The following DEPDC1 variants were observed in gnomAD, a reference collection of about 807,000 sequenced individuals.
The protein encoded by DEPDC1 is DEP domain-containing protein 1A.
In DEPDC1, 66 loss-of-function variants were observed where a neutral mutation model predicts 86.8. That is an observed-to-expected ratio of 0.76 (90% CI 0.62 to 0.93). The LOEUF (loss-of-function observed/expected upper bound fraction) is 0.93. Among genes scored for constraint, DEPDC1 ranks in the 40% least tolerant of loss-of-function variants. The probability of loss-of-function intolerance (pLI) is 0.00; values close to 1 mark genes in which losing one functional copy is unlikely to be tolerated. For missense variants in DEPDC1, 792 were observed against 935.7 expected (o/e 0.85, Z 2.00); for synonymous variants, 255 against 314.9 (o/e 0.81, Z 2.02).
At chr1:68,486,885 C>G (rs1646196097) in intron 6 of DEPDC1, 52 bp downstream of exon 6, 1 of 334,088 alleles carries the variant, frequency 3.0e-6, no homozygotes, top group Non-Finnish European at 4.4e-6. Flanking sequence ...CAATATAACA[C>G]ACACACACAC....
At chr1:68,477,114 C>G in intron 11 of DEPDC1, 45 bp from the exon 12 acceptor site, 2 of 1,510,000 alleles carry the variant, frequency 1.3e-6, no homozygotes, top group Non-Finnish European at 1.8e-6. Context: ...ACATTATTTC[C>G]CAAGCTGAAG....
Position 68,486,958 on chromosome 1 carries a change from C to A in DEPDC1, c.748G>T (p.Ala250Ser). 6.3e-7 allele frequency: 1 copy of A among 1,599,646 alleles called. No homozygotes were observed. The highest frequency in any genetic ancestry group is 8.5e-7 in the Non-Finnish European group (1 of 1,173,966). Residue 250 changes from alanine to serine, a missense_variant, in exon 6 of 12, where the codon GCC (alanine) becomes TCC (serine). Coordinates refer to ENST00000456315, the MANE Select transcript of DEPDC1 (RefSeq NM_001114120.3). ...TTACAATTTGCTAGGCACTTCATGG[C>A]AGATAATACCCAGTGAGGGAGGTCA... is the stretch of plus-strand genomic sequence containing the variant. Reference protein sequence around the residue: ...SDDLPHWVLSAMKCLANWPRS... With the variant: ...SDDLPHWVLSSMKCLANWPRS...
At chr1:68,483,244 T>C (rs1363435841) in intron 7 of DEPDC1, 2 of 524,594 alleles carry the variant, frequency 3.8e-6, no homozygotes, top group Non-Finnish European at 3.7e-6. Context: ...TATAATAAAA[T>C]ACATATATTT....
rs945442808 is a variant in DEPDC1, at chr1:68,496,922, G to A, written c.48+30C>T. On this transcript the variant is annotated intron_variant, in intron 1 of 11. Coordinates refer to ENST00000456315, the MANE Select transcript of DEPDC1 (RefSeq NM_001114120.3). This position sits in a 1 kb window ranked among gnomAD's most constrained non-coding sequence, Gnocchi z 4.0. Reference sequence around the variant, plus strand: ...CAGTGGTGACTGCCGTCAGCCCGCTGACCGGTCCCGTCTATCCGAGCTGTC... The same window carrying A: ...CAGTGGTGACTGCCGTCAGCCCGCTAACCGGTCCCGTCTATCCGAGCTGTC... The A allele has an allele frequency of 2.5e-6, 4 of 1,608,008 alleles. No homozygotes were observed. The African/African-American group carries it at 4.0e-5, about 16-fold the overall frequency.
At chr1:68,481,847 G>T in intron 8 of DEPDC1, 199 bp downstream of exon 8, 1 of 622,008 alleles carries the variant, frequency 1.6e-6, no homozygotes, top group Non-Finnish European at 2.5e-6. Flanking sequence ...CAGAATAAAT[G>T]AAATTGCAAA....
chr1:68,477,817 A>C lies in DEPDC1; in HGVS notation c.2268T>G (p.Pro756=). ...TTAGTTTTTTTCTTTTCTCCTTTAGAGGTAAACTCCTGTTTTTAATAATAT... is the reference window on the plus strand; with the variant it reads ...TTAGTTTTTTTCTTTTCTCCTTTAGCGGTAAACTCCTGTTTTTAATAATAT... ...LENIIKNRSL[P]LKEKRKKLKQ... is the part of the protein sequence containing the mutation. Residue 756 remains proline, a synonymous_variant, in exon 11 of 12, where the codon CCT becomes CCG. Transcript: ENST00000456315. 11 of 1,541,220 alleles carry C rather than the reference A, an allele frequency of 7.1e-6. No homozygotes were observed. Among genetic ancestry groups the C allele is most frequent in the Non-Finnish European group, 8.7e-6 (10 of 1,144,248 alleles).
chr1:68,479,401 T>A, intron 9 of DEPDC1, 81 bp from the exon 10 acceptor site: 1 of 1,099,440 alleles, frequency 9.1e-7, no homozygotes, highest in Non-Finnish European at 1.3e-6. Context: ...CAGGTAGCAT[T>A]ATGTGAAGTA....
At position 68,475,721 on chromosome 1, in the gene DEPDC1, A is replaced by G. The variant is rs1464482439; in HGVS notation, c.*1211T>C. The G allele has an allele frequency of 1.3e-5, 2 of 151,908 alleles. No individual in the cohort carries two copies. Among genetic ancestry groups the G allele is most frequent in the African/African-American group, 4.8e-5 (2 of 41,424 alleles). 9.4% of individuals were successfully genotyped at this position (151,908 alleles called of 1,614,324 possible). On this transcript the variant is annotated 3_prime_UTR_variant, in exon 12 of 12. Coordinates refer to ENST00000456315, the MANE Select transcript of DEPDC1 (RefSeq NM_001114120.3). Reference sequence around the variant, plus strand: ...CCAAGTCAATCAAGCAGAAACCTGAAGAACCTTGTTTTAAGATGAGAGTCA... The same window carrying G: ...CCAAGTCAATCAAGCAGAAACCTGAGGAACCTTGTTTTAAGATGAGAGTCA...
chr1:68,477,481 A>C (rs1238216712), intron 11 of DEPDC1, among the ~76,000 whole-genome samples: 1 of 151,864 alleles, frequency 6.6e-6, no homozygotes, highest in East Asian at 1.9e-4. Context: ...ATACATATCC[A>C]TACCTTATAA....
At chr1:68,494,783 T>G (rs780026657) in intron 1 of DEPDC1, 88 bp from the exon 2 acceptor site, 1 of 1,031,706 alleles carries the variant, frequency 9.7e-7, no homozygotes, top group Non-Finnish European at 1.4e-6. Flanking sequence ...AGAAAATTCT[T>G]TAATTCACAT....
intron 6 of DEPDC1, among the ~76,000 whole-genome samples, chr1:68,485,429 T>G (rs1221918339): frequency 1.3e-5 from 2 of 152,068 alleles, no homozygotes; most frequent in African/African-American, 4.8e-5. Flanking sequence ...GATGGTATAC[T>G]GATTACTAAT....
intron 10 of DEPDC1, among the ~76,000 whole-genome samples, chr1:68,478,285 G>C (rs1646130857): frequency 6.6e-6 from 1 of 151,618 alleles, no homozygotes; most frequent in Non-Finnish European, 1.5e-5. Flanking sequence ...AATAAAGACA[G>C]GTATTATAAT....
intron 2 of DEPDC1, among the ~76,000 whole-genome samples, chr1:68,493,188 A>C (rs1646240829): frequency 6.6e-6 from 1 of 152,234 alleles, no homozygotes; most frequent in African/African-American, 2.4e-5. Context: ...AGATTTGTAG[A>C]GTGCTATACA....
At position 68,483,972 on chromosome 1, in the gene DEPDC1, G is replaced by A. The variant is rs772610063; in HGVS notation, c.888C>T (p.Tyr296=). The A allele has an allele frequency of 9.9e-6, 15 of 1,522,538 alleles. No individual in the cohort carries two copies. Among genetic ancestry groups the A allele is most frequent in the East Asian group, 4.7e-5 (2 of 42,522 alleles). 94.3% of individuals were successfully genotyped at this position (1,522,538 alleles called of 1,614,324 possible). A position where few individuals can be genotyped will look rare whatever the true frequency, so the allele number is the denominator to read the frequency against. Residue 296 remains tyrosine, a synonymous_variant, in exon 7 of 12, where the codon TAC becomes TAT. Coordinates refer to ENST00000456315, the MANE Select transcript of DEPDC1 (RefSeq NM_001114120.3). ...TACCCAAAATGTTTACAAATAATTC[G>A]TAATATTCAAAAGTAAGTAGAGGTT... is the stretch of plus-strand genomic sequence containing the variant. ...LPEPLLTFEY[Y]ELFVNILVVC...
chr1:68,495,427 T>C (rs771405845), intron 1 of DEPDC1, among the ~76,000 whole-genome samples: 2 of 152,248 alleles, frequency 1.3e-5, no homozygotes, highest in Non-Finnish European at 2.9e-5. Flanking sequence ...GAATAGGTAC[T>C]ATTAATTTCT....
Position 68,476,833 on chromosome 1 carries a change from C to A in DEPDC1, c.*99G>T. 1 of 1,075,086 alleles carries A rather than the reference C, an allele frequency of 9.3e-7. No individual in the cohort carries two copies. The highest frequency in any genetic ancestry group is 1.3e-6 in the Non-Finnish European group (1 of 774,640). 66.6% of individuals were successfully genotyped at this position (1,075,086 alleles called of 1,614,324 possible). ...TACATAATGTGTTTATTTAGAAATA[C>A]CTTATTAATGACAGACTTCCTTTTG... On this transcript the variant is annotated 3_prime_UTR_variant, in exon 12 of 12. Coordinates refer to ENST00000456315, the MANE Select transcript of DEPDC1 (RefSeq NM_001114120.3).
rs1646269551 is a variant in DEPDC1, at chr1:68,496,876, C to CG, written c.48+75dup. The stretch of plus-strand genomic sequence containing the variant: ...CCTCCGACCGAGGTAAAACTGCGAA[C>CG]GGTCGAGGTAAAACTGCGAACAGTG... On this transcript the variant is annotated intron_variant, in intron 1 of 11. Coordinates refer to ENST00000456315, the MANE Select transcript of DEPDC1 (RefSeq NM_001114120.3). The surrounding 1 kb of genome is among the most constrained non-coding windows in gnomAD (Gnocchi z 4.0). The CG allele has an allele frequency of 2.7e-6, 4 of 1,474,274 alleles. No homozygotes were observed. Among genetic ancestry groups the CG allele is most frequent in the Non-Finnish European group, 3.8e-6 (4 of 1,064,270 alleles). 91.3% of individuals were successfully genotyped at this position (1,474,274 alleles called of 1,614,324 possible).
intron 10 of DEPDC1, 152 bp downstream of exon 10, chr1:68,478,992 C>T (rs929744858): frequency 6.6e-6 from 4 of 603,344 alleles, no homozygotes; most frequent in South Asian, 2.4e-5. Flanking sequence ...AGTCATATAG[C>T]TATTTGAGTC....
At position 68,482,581 on chromosome 1, in the gene DEPDC1, C is replaced by A. The variant is rs367719254; in HGVS notation, c.1227G>T (p.Met409Ile). 1.2e-6 allele frequency: 2 copies of A among 1,612,968 alleles called. No homozygotes were observed. Among genetic ancestry groups the A allele is most frequent in the African/African-American group, 1.3e-5 (1 of 74,876 alleles). Reference protein sequence around the residue: ...SCHNLIGLSNMHDLSSNSKPR... With the variant: ...SCHNLIGLSNIHDLSSNSKPR... ...GTTTGCTGTTAGAGGATAGATCATG[C>A]ATATTACTTAACCCTATTAAATTAT... The change falls in exon 8 of 12, where the codon ATG becomes ATT. Residue 409 changes from methionine to isoleucine, a missense_variant. Coordinates refer to ENST00000456315, the MANE Select transcript of DEPDC1 (RefSeq NM_001114120.3).
Sources: allele counts gnomAD v4.1 joint callset (sites outside exome capture counted in the v4.1 genomes callset), GRCh38; gene constraint gnomAD v4.1.1; non-coding constraint Gnocchi (gnomAD v3.1); transcripts MANE v1.5; gene names NCBI Gene and HGNC (gene_info 2026-07-23, HGNC 2026-07-21).